The following ROCK1 variants were observed in gnomAD, a reference collection of about 807,000 sequenced individuals.
The protein encoded by ROCK1 is rho-associated protein kinase 1.
ROCK1 carries 36 observed loss-of-function variants against 196.8 expected under a neutral mutation model. The observed-to-expected ratio is 0.18, with a 90% CI of 0.14 to 0.24. ROCK1 has a LOEUF of 0.24. ROCK1 is among the 10% of genes least tolerant of loss of function. The probability of loss-of-function intolerance (pLI) is 1.00; values close to 1 mark genes in which losing one functional copy is unlikely to be tolerated. For missense variants in ROCK1, 920 were observed against 1,562.0 expected, an observed-to-expected ratio of 0.59 and a Z score of 6.93; for synonymous variants, 443 against 515.9, an observed-to-expected ratio of 0.86 and a Z score of 1.91.
rs748991958 is a variant in ROCK1, at chr18:20,970,377, T to G, written c.2791A>C (p.Ile931Leu). 4.1e-5 allele frequency: 66 copies of G among 1,613,942 alleles called. No individual in the cohort carries two copies. The highest frequency in any genetic ancestry group is 5.5e-5 in the Non-Finnish European group (65 of 1,179,856). The change falls in exon 23 of 33, where the codon ATT (isoleucine) becomes CTT (leucine). Residue 931 changes from isoleucine (I) to leucine (L), a missense_variant. Around this residue, in one of 6 missense-constraint regions of ROCK1, gnomAD observed 520 missense variants for 657.1 expected, o/e 0.79. Coordinates refer to ENST00000399799, the MANE Select transcript of ROCK1 (RefSeq NM_005406.3). ...KKAASRNRQE[I>L]TDKDHTVSRL... ...CTAACAGTGTGATCTTTATCTGTAA[T>G]CTCTTGTCTATTTCTTGAAGCAGCT...
At chr18:21,100,182 T>A (rs2036646800) in intron 1 of ROCK1, among the ~76,000 whole-genome samples, 1 of 150,156 alleles carries the variant, frequency 6.7e-6, no homozygotes, top group African/African-American at 2.4e-5. Flanking sequence ...TGAAAGAGCC[T>A]AACTGACAAG....
At chr18:21,096,192 T>C (rs923210421) in intron 1 of ROCK1, among the ~76,000 whole-genome samples, 7 of 152,128 alleles carry the variant, frequency 4.6e-5, no homozygotes, top group African/African-American at 1.7e-4. Context: ...AAAATTATTT[T>C]TTGTCTACGA....
intron 26 of ROCK1, among the ~76,000 whole-genome samples, 183 bp from the exon 27 acceptor site, chr18:20,967,259 G>A (rs186399036): frequency 1.8e-4 from 27 of 152,172 alleles, no homozygotes; most frequent in African/African-American, 5.5e-4. Context: ...TACAATGCTC[G>A]GACAAATTCC....
At chr18:21,067,703 T>C (rs2036348284) in intron 2 of ROCK1, among the ~76,000 whole-genome samples, 1 of 152,166 alleles carries the variant, frequency 6.6e-6, no homozygotes, top group Non-Finnish European at 1.5e-5. Flanking sequence ...CTTGATAGTA[T>C]CTTTGAAGCA....
chr18:21,090,909 T>C (rs2036564188), intron 1 of ROCK1, among the ~76,000 whole-genome samples: 1 of 152,164 alleles, frequency 6.6e-6, no homozygotes, highest in Admixed American at 6.5e-5. Context: ...GCAAAATTTA[T>C]TACCATTTAG....
chr18:21,049,408 A>G (rs1200673675), intron 3 of ROCK1, among the ~76,000 whole-genome samples, 179 bp from the exon 4 acceptor site: 2 of 152,218 alleles, frequency 1.3e-5, no homozygotes, highest in Non-Finnish European at 2.9e-5. Context: ...CAAGACTTTA[A>G]TTATCAGAAG....
At chr18:20,980,485 G>C (rs1354695029) in intron 21 of ROCK1, among the ~76,000 whole-genome samples, 1 of 152,090 alleles carries the variant, frequency 6.6e-6, no homozygotes, top group East Asian at 1.9e-4. Flanking sequence ...GGAAAATGTA[G>C]AGTGAAGGGC....
In ROCK1 at chr18:21,008,112, T is replaced by C; in HGVS notation, c.1493A>G (p.Tyr498Cys). 1 of 1,605,670 alleles carries C rather than the reference T, an allele frequency of 6.2e-7. No individual in the cohort carries two copies. Among genetic ancestry groups the C allele is most frequent in the Non-Finnish European group, 8.5e-7 (1 of 1,174,574 alleles). ...KMLLQHRINE[Y>C]QRKAEQENEK... ...ATTTTCCTGTTCAGCTTTTCTTTGG[T>C]ACTCATTAATTCTATGCTGTAGCAA... is the stretch of plus-strand genomic sequence containing the variant. Residue 498 changes from tyrosine to cysteine, a missense_variant, in exon 14 of 33, where the codon TAC becomes TGC. Tyr to Cys is a radical substitution (Grantham distance 194). Around this residue, in one of 6 missense-constraint regions of ROCK1, gnomAD observed 520 missense variants for 657.1 expected, o/e 0.79. Coordinates refer to ENST00000399799, the MANE Select transcript of ROCK1 (RefSeq NM_005406.3).
At chr18:21,034,998 T>C (rs1198529255) in intron 9 of ROCK1, among the ~76,000 whole-genome samples, 3 of 152,180 alleles carry the variant, frequency 2.0e-5, no homozygotes, top group Admixed American at 6.5e-5. Context: ...AGAGAAGATA[T>C]ACGAATGGCC....
At chr18:21,061,095 T>G (rs1210833293) in intron 2 of ROCK1, among the ~76,000 whole-genome samples, 2 of 151,502 alleles carry the variant, frequency 1.3e-5, no homozygotes, top group Non-Finnish European at 2.9e-5. Flanking sequence ...TTTTTTTTTT[T>G]CAAGGCAGAG....
At chr18:21,097,390 G>A (rs1167050264) in intron 1 of ROCK1, among the ~76,000 whole-genome samples, 5 of 152,154 alleles carry the variant, frequency 3.3e-5, no homozygotes, top group African/African-American at 4.8e-5. Context: ...GCCTATACTG[G>A]AACCTTCATC....
intron 22 of ROCK1, among the ~76,000 whole-genome samples, chr18:20,977,884 T>G (rs1436214510): frequency 6.6e-6 from 1 of 152,148 alleles, no homozygotes; most frequent in Non-Finnish European, 1.5e-5. Flanking sequence ...TATGACTATA[T>G]CAGAGAATAA....
At position 21,012,650 on chromosome 18, in the gene ROCK1, C is replaced by G. The variant is rs185254402; in HGVS notation, c.1410+2781G>C. On this transcript the variant is annotated intron_variant, in intron 13 of 32. Transcript: ENST00000399799. ...ACACTTTTTGTGGTTTGCTAAGCTT[C>G]TTGGTAGTTCATGTCTTTTGTCAGT... Among the ~76,000 whole-genome samples, 4 of 152,206 alleles carry G rather than the reference C, an allele frequency of 2.6e-5. No homozygotes were observed. In the South Asian group the frequency reaches 8.3e-4, roughly 32 times the overall value.
intron 22 of ROCK1, among the ~76,000 whole-genome samples, chr18:20,973,802 T>A (rs2143371169): frequency 6.6e-6 from 1 of 151,888 alleles, no homozygotes; most frequent in Admixed American, 6.6e-5. Flanking sequence ...TGGCACTTTT[T>A]TTTTTTTTTT....
intron 1 of ROCK1, among the ~76,000 whole-genome samples, chr18:21,089,938 T>C (rs1448076217): frequency 6.6e-6 from 1 of 152,206 alleles, no homozygotes; most frequent in East Asian, 1.9e-4. Context: ...TAACAGTCTT[T>C]TCAGATAACT....
intron 2 of ROCK1, among the ~76,000 whole-genome samples, chr18:21,061,437 G>A (rs2036289932): frequency 6.6e-6 from 1 of 152,186 alleles, no homozygotes; most frequent in Admixed American, 6.5e-5. Flanking sequence ...TACACTGTAT[G>A]ATTCCATTTA....
intron 1 of ROCK1, among the ~76,000 whole-genome samples, chr18:21,104,541 A>G (rs111973123): frequency 0.1 from 15,277 of 152,206 alleles, 896 homozygotes; most frequent in Admixed American, 0.17. Flanking sequence ...AGCTTGCAGT[A>G]AGCCAAGATA....
chr18:21,061,612 A>C (rs2036291824), intron 2 of ROCK1, among the ~76,000 whole-genome samples: 1 of 152,240 alleles, frequency 6.6e-6, no homozygotes, highest in African/African-American at 2.4e-5. Flanking sequence ...AATTTAAAAA[A>C]TCAATTGGGA....
intron 1 of ROCK1, among the ~76,000 whole-genome samples, chr18:21,101,212 A>G (rs2036656769): frequency 6.6e-6 from 1 of 152,228 alleles, no homozygotes; most frequent in African/African-American, 2.4e-5. Flanking sequence ...TGTGAAAGGA[A>G]TAACAGAATT....
Sources: allele counts gnomAD v4.1 joint callset (sites outside exome capture counted in the v4.1 genomes callset), GRCh38; gene constraint gnomAD v4.1.1; regional missense constraint gnomAD v4.1.1; transcripts MANE v1.5; gene names NCBI Gene and HGNC (gene_info 2026-07-23, HGNC 2026-07-21).